Variants in TBC1D16 observed in about 807,000 individuals in gnomAD.
The protein encoded by TBC1D16 is TBC1 domain family member 16, also known as CTD-2529O21.1.
A neutral mutation model predicts 74.7 loss-of-function variants in TBC1D16; 58 were observed. The observed-to-expected ratio is 0.78, with a 90% confidence interval of 0.63 to 0.97. The LOEUF (loss-of-function observed/expected upper bound fraction) is 0.97. TBC1D16 is among the 50% of genes least tolerant of loss of function. TBC1D16 has a pLI of 0.00. For missense variants in TBC1D16, 1,014 were observed against 1,079.5 expected (o/e 0.94, Z 0.85); for synonymous variants, 493 against 474.7 (o/e 1.04, Z -0.50).
chr17:79,988,086 G>T lies in TBC1D16; in HGVS notation c.779+22074C>A, dbSNP rs2034912695. ...TCTGATTCAAACGAAATACTTCTAAGTTCTTCTCTGTGAAAGCGTGTGTGT... is the reference window on the plus strand; with the variant it reads ...TCTGATTCAAACGAAATACTTCTAATTTCTTCTCTGTGAAAGCGTGTGTGT... On this transcript the variant is annotated intron_variant, in intron 3 of 11. Transcript: ENST00000310924. The surrounding 1 kb of genome is among the most constrained non-coding windows in gnomAD (Gnocchi z 5.7). Among the ~76,000 whole-genome samples the T allele has an allele frequency of 6.6e-6, 1 of 152,168 alleles. No individual in the cohort carries two copies. The highest frequency in any genetic ancestry group is 2.4e-5 in the African/African-American group (1 of 41,436).
chr17:80,010,384 C>G lies in TBC1D16; in HGVS notation c.555G>C (p.Gly185=), dbSNP rs755727206. The change falls in exon 3 of 12, where the codon GGG becomes GGC. Residue 185 remains glycine (G), a synonymous_variant. Transcript: ENST00000310924. This position sits in a 1 kb window ranked among gnomAD's most constrained non-coding sequence, Gnocchi z 8.8. Reference sequence around the variant, plus strand: ...CCTGCGGACTGACCGTCGACAAGATCCCGGAGGGGCTGCAAGCAGGCTGCG... The same window carrying G: ...CCTGCGGACTGACCGTCGACAAGATGCCGGAGGGGCTGCAAGCAGGCTGCG... ...PASQPACSPS[G]ILSTVSPQDV... The G allele has an allele frequency of 6.2e-7, 1 of 1,612,106 alleles. No individual in the cohort carries two copies. The highest frequency in any genetic ancestry group is 1.1e-5 in the South Asian group (1 of 90,806).
chr17:79,960,807 A>AAAAAAAAAAAAAAAAAC (rs2033574287), intron 3 of TBC1D16, among the ~76,000 whole-genome samples: 2 of 141,622 alleles, frequency 1.4e-5, no homozygotes, highest in African/African-American at 5.4e-5. Context: ...AAAAAAAAAA[A>AAAAAAAAAAAAAAAAAC]AACGAAGGAA....
In TBC1D16 at chr17:80,010,312, C is replaced by T. The variant is rs987459196; in HGVS notation, c.627G>A (p.Glu209=). ...GREPRPEAGE[E]DGSLELSAEG... is the part of the protein sequence containing the mutation. The stretch of plus-strand genomic sequence containing the variant: ...CGGCTGACAGTTCCAAAGAGCCATC[C>T]TCCTCCCCGGCCTCGGGCCGCGGCT... Residue 209 remains glutamate (E), a synonymous_variant, in exon 3 of 12, where the codon GAG becomes GAA. Transcript: ENST00000310924. This position sits in a 1 kb window ranked among gnomAD's most constrained non-coding sequence, Gnocchi z 8.8. 3 of 1,611,848 alleles carry T rather than the reference C, an allele frequency of 1.9e-6. No individual in the cohort carries two copies. The highest frequency in any genetic ancestry group is 1.6e-4 in the Middle Eastern group (1 of 6,078).
At position 79,975,641 on chromosome 17, in the gene TBC1D16, C is replaced by T. The variant is rs1167343348; in HGVS notation, c.780-22823G>A. Among the ~76,000 whole-genome samples, 1 of 152,186 alleles carries T rather than the reference C, an allele frequency of 6.6e-6. No individual in the cohort carries two copies. Among genetic ancestry groups the T allele is most frequent in the Non-Finnish European group, 1.5e-5 (1 of 68,034 alleles). On this transcript the variant is annotated intron_variant, in intron 3 of 11. Coordinates refer to ENST00000310924, the MANE Select transcript of TBC1D16 (RefSeq NM_019020.4). This position sits in a 1 kb window ranked among gnomAD's most constrained non-coding sequence, Gnocchi z 4.5. ...ACAGCCACCGCCCACAACAGGTCCA[C>T]CCTGAAGTGAAAAGACAAATATCAT...
chr17:80,022,675 C>T (rs1433037508), intron 1 of TBC1D16, among the ~76,000 whole-genome samples: 2 of 146,540 alleles, frequency 1.4e-5, no homozygotes, highest in Admixed American at 6.8e-5. Flanking sequence ...CTCACACTGT[C>T]GCCCAGGCTG....
rs2033320063 is a variant in TBC1D16, at chr17:79,956,083, A to G, written c.780-3265T>C. On this transcript the variant is annotated intron_variant, in intron 3 of 11. Transcript: ENST00000310924. The surrounding 1 kb of genome is among the most constrained non-coding windows in gnomAD (Gnocchi z 4.0). The stretch of plus-strand genomic sequence containing the variant: ...CTCATGAGAGAGACACGCAACTGGC[A>G]GTCAGCACCAGAGCCCCGACACCTG... Among the ~76,000 whole-genome samples the G allele has an allele frequency of 6.6e-6, 1 of 152,196 alleles. No homozygotes were observed. Among genetic ancestry groups the G allele is most frequent in the Admixed American group, 6.5e-5 (1 of 15,284 alleles).
Position 79,949,011 on chromosome 17 carries a change from G to A in TBC1D16, c.1407-5C>T. 1 of 1,614,004 alleles carries A rather than the reference G, an allele frequency of 6.2e-7. No homozygotes were observed. Among genetic ancestry groups the A allele is most frequent in the African/African-American group, 1.3e-5 (1 of 75,064 alleles). ...TCCTCGGGAGTCATGGAGAGCCTGTGTGGAGCCGAGCACCCAGCCGGGGTC... is the reference window on the plus strand; with the variant it reads ...TCCTCGGGAGTCATGGAGAGCCTGTATGGAGCCGAGCACCCAGCCGGGGTC... On this transcript the variant is annotated splice_polypyrimidine_tract_variant and splice_region_variant and intron_variant, in intron 7 of 11. Transcript: ENST00000310924.
At position 79,971,977 on chromosome 17, in the gene TBC1D16, A is replaced by G. The variant is rs1663199; in HGVS notation, c.780-19159T>C. ...GGAGTGCTCTGAAAACGGCCCTGGC[A>G]TTGATTTTTAAAAAGGGTCGCTCAA... is the stretch of plus-strand genomic sequence containing the variant. On this transcript the variant is annotated intron_variant, in intron 3 of 11. Transcript: ENST00000310924. This position sits in a 1 kb window ranked among gnomAD's most constrained non-coding sequence, Gnocchi z 4.6. Among the ~76,000 whole-genome samples, 124,636 of 151,966 alleles carry G rather than the reference A, an allele frequency of 0.82. 51,175 individuals are homozygous for G. The highest frequency in any genetic ancestry group is 0.94 in the East Asian group (4,829 of 5,158).
rs2033341356 is a variant in TBC1D16 at position 79,956,447 on chromosome 17, T to G, written c.780-3629A>C. Among the ~76,000 whole-genome samples the G allele has an allele frequency of 6.6e-6, 1 of 151,884 alleles. No homozygotes were observed. The highest frequency in any genetic ancestry group is 2.4e-5 in the African/African-American group (1 of 41,336). ...TTTTGTATTTTTTATAGAGATGGGGTTTTGCCATGTTGCCCAGGCTGGTCT... is the reference window on the plus strand; with the variant it reads ...TTTTGTATTTTTTATAGAGATGGGGGTTTGCCATGTTGCCCAGGCTGGTCT... On this transcript the variant is annotated intron_variant, in intron 3 of 11. Transcript: ENST00000310924. This position sits in a 1 kb window ranked among gnomAD's most constrained non-coding sequence, Gnocchi z 4.0.
Position 79,981,263 on chromosome 17 carries a change from G to A in TBC1D16, c.780-28445C>T, listed in dbSNP as rs1305055246. 6.6e-6 allele frequency among the ~76,000 whole-genome samples: 1 copy of A among 152,192 alleles called. No individual in the cohort carries two copies. The highest frequency in any genetic ancestry group is 1.5e-5 in the Non-Finnish European group (1 of 68,038). On this transcript the variant is annotated intron_variant, in intron 3 of 11. Coordinates refer to ENST00000310924, the MANE Select transcript of TBC1D16 (RefSeq NM_019020.4). This position sits in a 1 kb window ranked among gnomAD's most constrained non-coding sequence, Gnocchi z 6.9. Reference sequence around the variant, plus strand: ...CCAATGCACTGCTTGGCCCGGCTCAGAGGATTTGACGCAAACCAGGACTGG... The same window carrying A: ...CCAATGCACTGCTTGGCCCGGCTCAAAGGATTTGACGCAAACCAGGACTGG...
At chr17:80,030,530 G>A (rs946637501) in intron 1 of TBC1D16, among the ~76,000 whole-genome samples, 2 of 152,210 alleles carry the variant, frequency 1.3e-5, no homozygotes, top group African/African-American at 4.8e-5. Context: ...GAACAGAGGT[G>A]CAAAAGTCTC....
chr17:79,980,580 C>G lies in TBC1D16; in HGVS notation c.780-27762G>C, dbSNP rs181032496. ...CCTAACCAGGACACTGTGGTGCAGA[C>G]AGTGTAGGGACTGGCGAAGAGACAC... On this transcript the variant is annotated intron_variant, in intron 3 of 11. Transcript: ENST00000310924. This position sits in a 1 kb window ranked among gnomAD's most constrained non-coding sequence, Gnocchi z 7.0. 2.0e-5 allele frequency among the ~76,000 whole-genome samples: 3 copies of G among 152,216 alleles called. No homozygotes were observed. Among genetic ancestry groups the G allele is most frequent in the African/African-American group, 4.8e-5 (2 of 41,450 alleles).
rs1176875390 is a variant in TBC1D16 at position 79,980,219 on chromosome 17, A to G, written c.780-27401T>C. On this transcript the variant is annotated intron_variant, in intron 3 of 11. Coordinates refer to ENST00000310924, the MANE Select transcript of TBC1D16 (RefSeq NM_019020.4). The surrounding 1 kb of genome is among the most constrained non-coding windows in gnomAD (Gnocchi z 7.0). ...ATTTAAAAATGGAGTGAATACTGAT[A>G]ATAATTTGACTAAATTTAGGTGTTC... Among the ~76,000 whole-genome samples the G allele has an allele frequency of 6.6e-6, 1 of 152,202 alleles. No homozygotes were observed. The highest frequency in any genetic ancestry group is 1.9e-4 in the East Asian group (1 of 5,194).
rs149193846 is a variant in TBC1D16, at chr17:79,948,906, G to T, written c.1507C>A (p.Arg503=). The change falls in exon 8 of 12, where the codon CGG becomes AGG. Residue 503 remains arginine (R), a synonymous_variant. Transcript: ENST00000310924. ...VRTDRNNQFF[R]GEDNPNVESM... is the part of the protein sequence containing the mutation. ...TCCACATTGGGATTGTCTTCCCCCCGGAAGAACTGGTTGTTCCGATCTGTC... is the reference window on the plus strand; with the variant it reads ...TCCACATTGGGATTGTCTTCCCCCCTGAAGAACTGGTTGTTCCGATCTGTC... 9 of 1,614,114 alleles carry T rather than the reference G, an allele frequency of 5.6e-6. No individual in the cohort carries two copies. Among genetic ancestry groups the T allele is most frequent in the Non-Finnish European group, 7.6e-6 (9 of 1,180,004 alleles).
At chr17:79,953,969 C>G (rs1358592636) in intron 3 of TBC1D16, among the ~76,000 whole-genome samples, 2 of 152,150 alleles carry the variant, frequency 1.3e-5, no homozygotes, top group African/African-American at 4.8e-5. Context: ...GAGGTTTCAC[C>G]ATGTTGACCA....
chr17:79,953,616 G>A (rs1050866078), intron 3 of TBC1D16, among the ~76,000 whole-genome samples: 1 of 152,318 alleles, frequency 6.6e-6, no homozygotes, highest in Admixed American at 6.5e-5. Context: ...CCAGCATACT[G>A]TGCAGCTGTC....
At chr17:79,977,432 C>T (rs930974957) in intron 3 of TBC1D16, among the ~76,000 whole-genome samples, 2 of 152,246 alleles carry the variant, frequency 1.3e-5, no homozygotes, top group African/African-American at 4.8e-5. Flanking sequence ...CTGGCCCCTT[C>T]CCAGCATCTG....
intron 3 of TBC1D16, among the ~76,000 whole-genome samples, chr17:79,991,698 GGGGGTGGGGC>G (rs2035065362): frequency 6.6e-6 from 1 of 150,638 alleles, no homozygotes; most frequent in African/African-American, 2.4e-5. Flanking sequence ...ACAGGCAGGT[GGGGGTGGGGC>G]GGGGCGGGGC....
chr17:79,989,632 T>C (rs2034986908), intron 3 of TBC1D16, among the ~76,000 whole-genome samples: 1 of 152,258 alleles, frequency 6.6e-6, no homozygotes, highest in Non-Finnish European at 1.5e-5. Flanking sequence ...CAGCTCTAGC[T>C]GGTTCTGCCC....
Sources: gnomAD v4.1 joint callset for allele counts (sites outside exome capture counted in the v4.1 genomes callset) on GRCh38, gnomAD v4.1.1 for gene constraint, Gnocchi (gnomAD v3.1) non-coding constraint, MANE v1.5 for transcripts, NCBI Gene and HGNC (gene_info 2026-07-23, HGNC 2026-07-21) for gene names.